Variants in MYO18A observed in about 807,000 individuals in gnomAD.
MYO18A encodes the protein myosin XVIIIA.
Under a neutral mutation model 235.8 loss-of-function variants are expected in MYO18A, and 78 were observed. The ratio of observed to expected loss-of-function variants is 0.33; its 90% CI spans 0.28 to 0.40. The LOEUF (loss-of-function observed/expected upper bound fraction) is 0.40. MYO18A is among the 10% of genes least tolerant of loss of function. The probability of loss-of-function intolerance (pLI) is 1.00; values close to 1 mark genes in which losing one functional copy is unlikely to be tolerated. For synonymous variants in MYO18A, 977 were observed against 1,077.8 expected (o/e 0.91, Z 1.83); for missense variants, 2,215 against 2,699.3 (o/e 0.82, Z 3.98).
chr17:29,176,751 G>A (rs969500181), intron 1 of MYO18A: 5 of 152,244 alleles, frequency 3.3e-5, no homozygotes, highest in African/African-American at 1.2e-4. Flanking sequence ...GTGACTCCCT[G>A]CCAGGTCACA....
chr17:29,094,713 G>T lies in MYO18A; in HGVS notation c.4647C>A (p.Ala1549=), dbSNP rs376596658. Residue 1549 remains alanine, a synonymous_variant, in exon 30 of 42, where the codon GCC becomes GCA. Transcript: ENST00000527372. ...KVKKQLRDLE[A]KVKDQEEELD... is the part of the protein sequence containing the mutation. ...GCTCTTCTTCCTGATCCTTGACTTT[G>T]GCCTCCAGGTCCCGGAGCTGTTTCT... 1 of 1,613,906 alleles carries T rather than the reference G, an allele frequency of 6.2e-7. No homozygotes were observed. Among genetic ancestry groups the T allele is most frequent in the Non-Finnish European group, 8.5e-7 (1 of 1,179,908 alleles).
At chr17:29,171,251 C>T (rs1041934351) in intron 1 of MYO18A, among the ~76,000 whole-genome samples, 1 of 151,904 alleles carries the variant, frequency 6.6e-6, no homozygotes, top group Non-Finnish European at 1.5e-5. Context: ...AGATCGAGAC[C>T]ATCCTGAAAC....
chr17:29,165,979 A>G lies in MYO18A; in HGVS notation c.962T>C (p.Leu321Pro), dbSNP rs2068273479. 1.9e-6 allele frequency: 3 copies of G among 1,613,496 alleles called. No homozygotes were observed. The highest frequency in any genetic ancestry group is 1.3e-5 in the African/African-American group (1 of 75,066). Residue 321 changes from leucine to proline, a missense_variant, in exon 2 of 42, where the codon CTG becomes CCG. Physicochemically the swap from Leu to Pro is moderately conservative, Grantham distance 98. Coordinates refer to ENST00000527372, the MANE Select transcript of MYO18A (RefSeq NM_078471.4). Reference protein sequence around the residue: ...PELSELSRSWLRSGEGPRREP... With the variant: ...PELSELSRSWPRSGEGPRREP... ...CCTGCGAGGTCCCTCGCCGCTCCGC[A>G]GCCAGCTCCTGCTGAGCTCGCTGAG... is the stretch of plus-strand genomic sequence containing the variant.
At chr17:29,133,629 A>G (rs905776668) in intron 2 of MYO18A, 4 of 417,492 alleles carry the variant, frequency 9.6e-6, no homozygotes, top group Non-Finnish European at 1.8e-5. Flanking sequence ...CAGCCAGAAT[A>G]GGGAGTTCAC....
chr17:29,075,199 G>C, intron 41 of MYO18A: 1 of 346,566 alleles, frequency 2.9e-6, no homozygotes. Flanking sequence ...CTTCCTCTTA[G>C]AAACCTTGAA....
At position 29,110,452 on chromosome 17, in the gene MYO18A, T is replaced by C; in HGVS notation, c.3071A>G (p.Gln1024Arg). The C allele has an allele frequency of 6.3e-7, 1 of 1,591,518 alleles. No individual in the cohort carries two copies. Among genetic ancestry groups the C allele is most frequent in the Non-Finnish European group, 8.6e-7 (1 of 1,169,488 alleles). The change falls in exon 18 of 42, where the codon CAG becomes CGG. Residue 1024 changes from glutamine (Q) to arginine (R), a missense_variant. By Grantham distance (43) the Gln-to-Arg change is conservative (BLOSUM62 1). Coordinates refer to ENST00000527372, the MANE Select transcript of MYO18A (RefSeq NM_078471.4). ...GGCACTCACCACCTGTAGCTTCATC[T>C]GGATGCACAGTGACTTCTTTTTGAC... ...AAVKKKSLCIQMKLQVDALID... is the reference protein window; with the variant it reads ...AAVKKKSLCIRMKLQVDALID...
chr17:29,112,855 G>T (rs948132644), intron 15 of MYO18A, among the ~76,000 whole-genome samples: 2 of 152,274 alleles, frequency 1.3e-5, no homozygotes, highest in African/African-American at 4.8e-5. Flanking sequence ...GAAGCAGAAT[G>T]TGGCCAAAGG....
At chr17:29,151,668 A>G (rs2067966299) in intron 2 of MYO18A, among the ~76,000 whole-genome samples, 3 of 152,110 alleles carry the variant, frequency 2.0e-5, no homozygotes, top group South Asian at 2.1e-4. Context: ...CAATCACACA[A>G]TGGTTCCTTG....
Position 29,111,891 on chromosome 17 carries a change from T to C in MYO18A, c.2599-28A>G, listed in dbSNP as rs1568076893. On this transcript the variant is annotated intron_variant, in intron 15 of 41. Coordinates refer to ENST00000527372, the MANE Select transcript of MYO18A (RefSeq NM_078471.4). This position sits in a 1 kb window ranked among gnomAD's most constrained non-coding sequence, Gnocchi z 5.1. ...ACAGAGAAGGAAGGAAATCCCTCCT[T>C]GTCATATGGAGCTGTGGGAAAGGGG... 5 of 1,597,316 alleles carry C rather than the reference T, an allele frequency of 3.1e-6. No individual in the cohort carries two copies. In the African/African-American group the frequency reaches 6.7e-5, roughly 22 times the overall value.
rs1327368477 is a variant in MYO18A at position 29,090,087 on chromosome 17, G to A, written c.5400C>T (p.Leu1800=). The change falls in exon 37 of 42, where the codon CTC becomes CTT. Residue 1800 remains leucine (L), a synonymous_variant. Transcript: ENST00000527372. ...GCTCCAGGAACTCCACCTGGCTCTGGAGGGCTTGTAGCTAGAGGTGGGGGA... is the reference window on the plus strand; with the variant it reads ...GCTCCAGGAACTCCACCTGGCTCTGAAGGGCTTGTAGCTAGAGGTGGGGGA... ...KQELQEKLQA[L]QSQVEFLEQS... is the part of the protein sequence containing the mutation. The A allele has an allele frequency of 6.2e-7, 1 of 1,612,928 alleles. No homozygotes were observed. The highest frequency in any genetic ancestry group is 8.5e-7 in the Non-Finnish European group (1 of 1,179,368).
At chr17:29,142,526 G>A (rs543900021) in intron 2 of MYO18A, among the ~76,000 whole-genome samples, 7 of 152,200 alleles carry the variant, frequency 4.6e-5, no homozygotes, top group Non-Finnish European at 8.8e-5. Flanking sequence ...GGCCAGCAGC[G>A]TGGGCATCCC....
In MYO18A at chr17:29,074,837, G is replaced by C; in HGVS notation, c.6098C>G (p.Pro2033Arg). The C allele has an allele frequency of 6.2e-7, 1 of 1,613,980 alleles. No individual in the cohort carries two copies. Among genetic ancestry groups the C allele is most frequent in the Non-Finnish European group, 8.5e-7 (1 of 1,179,890 alleles). The change falls in exon 42 of 42, where the codon CCG (proline) becomes CGG (arginine). Residue 2033 changes from proline to arginine, a missense_variant. By Grantham distance (103) the Pro-to-Arg change is moderately radical (BLOSUM62 -2). Coordinates refer to ENST00000527372, the MANE Select transcript of MYO18A (RefSeq NM_078471.4). This position sits in a 1 kb window ranked among gnomAD's most constrained non-coding sequence, Gnocchi z 4.4. The part of the protein sequence containing the change: ...EHDPLDNTSR[P>R]RYSHSYLSDS... ...ACTCAGATAACTGTGGGAGTATCGC[G>C]GTCTGGAGGTGTTGTCGAGAGGGTC...
At chr17:29,119,514 A>C in intron 7 of MYO18A, 79 bp from the exon 8 acceptor site, 2 of 1,068,308 alleles carry the variant, frequency 1.9e-6, no homozygotes, top group Non-Finnish European at 1.4e-6. Flanking sequence ...GAAGGAATCA[A>C]ACACATGGTC....
intron 41 of MYO18A, chr17:29,080,454 C>T: frequency 1.0e-6 from 1 of 986,124 alleles, no homozygotes; most frequent in African/African-American, 1.7e-5. Flanking sequence ...CATCCCACTC[C>T]TCTAGGCAGC....
In MYO18A at chr17:29,121,791, C is replaced by G; in HGVS notation, c.1194+60G>C. The G allele has an allele frequency of 1.2e-6, 2 of 1,610,214 alleles. No homozygotes were observed. Among genetic ancestry groups the G allele is most frequent in the Non-Finnish European group, 1.7e-6 (2 of 1,177,686 alleles). ...CCATCTCCGCTGCCAGAGGATGGGC[C>G]TGCCCTGCCCAGTGCACTCCTGAGC... On this transcript the variant is annotated intron_variant, in intron 4 of 41. Transcript: ENST00000527372. The surrounding 1 kb of genome is among the most constrained non-coding windows in gnomAD (Gnocchi z 4.2).
chr17:29,126,293 T>G lies in MYO18A; in HGVS notation c.1000-4040A>C. Among the ~76,000 whole-genome samples the G allele has an allele frequency of 7.1e-6, 1 of 140,584 alleles. No homozygotes were observed. The highest frequency in any genetic ancestry group is 2.6e-5 in the African/African-American group (1 of 38,576). 92.2% of individuals were successfully genotyped at this position (140,584 alleles called of 152,430 possible). A position where few individuals can be genotyped will look rare whatever the true frequency, so the allele number is the denominator to read the frequency against. ...ATGTCTCAGCTCCCATCTCCTCCCT[T>G]GTGAGAGGAGGAGGGACGGGGAGGA... On this transcript the variant is annotated intron_variant, in intron 2 of 41. Coordinates refer to ENST00000527372, the MANE Select transcript of MYO18A (RefSeq NM_078471.4). This position sits in a 1 kb window ranked among gnomAD's most constrained non-coding sequence, Gnocchi z 4.1.
At chr17:29,154,805 C>T (rs1318339030) in intron 2 of MYO18A, among the ~76,000 whole-genome samples, 1 of 152,154 alleles carries the variant, frequency 6.6e-6, no homozygotes, top group Admixed American at 6.5e-5. Context: ...GCCAGCCCAG[C>T]CGGGGAGGAA....
At chr17:29,100,883 G>C (rs1248235115) in intron 21 of MYO18A, among the ~76,000 whole-genome samples, 1 of 152,202 alleles carries the variant, frequency 6.6e-6, no homozygotes, top group Non-Finnish European at 1.5e-5. Flanking sequence ...CAGAAACCTG[G>C]TCCCCTGAGG....
At chr17:29,114,468 C>T (rs980149273) in intron 14 of MYO18A, among the ~76,000 whole-genome samples, 3 of 152,218 alleles carry the variant, frequency 2.0e-5, no homozygotes, top group African/African-American at 7.2e-5. Flanking sequence ...ACAATTCACT[C>T]AACTCACTTC....
Sources: gnomAD v4.1 joint callset for allele counts (sites outside exome capture counted in the v4.1 genomes callset) on GRCh38, gnomAD v4.1.1 for gene constraint, Gnocchi (gnomAD v3.1) non-coding constraint, MANE v1.5 for transcripts, NCBI Gene and HGNC (gene_info 2026-07-23, HGNC 2026-07-21) for gene names.